Variants in HDAC4 observed in about 807,000 individuals in gnomAD.
HDAC4 encodes histone deacetylase 4, also known as histone deacetylase A.
HDAC4 carries 16 observed loss-of-function variants against 135.1 expected under a neutral mutation model. The ratio of observed to expected loss-of-function variants is 0.12; its 90% CI spans 0.08 to 0.18. HDAC4 has a LOEUF of 0.18. Among genes scored for constraint, HDAC4 ranks in the 10% least tolerant of loss-of-function variants. HDAC4 has a pLI of 1.00. For synonymous variants in HDAC4, 685 were observed against 653.4 expected (o/e 1.05, Z -0.74); for missense variants, 1,143 against 1,511.8 (o/e 0.76, Z 4.05).
chr2:239,274,816 C>T (rs2050258317), intron 2 of HDAC4, among the ~76,000 whole-genome samples: 1 of 152,224 alleles, frequency 6.6e-6, no homozygotes, highest in African/African-American at 2.4e-5. Context: ...TTCCCTAGGC[C>T]TGGCCTGGCC....
intron 2 of HDAC4, among the ~76,000 whole-genome samples, chr2:239,253,472 C>T (rs1310750853): frequency 6.6e-6 from 1 of 152,196 alleles, no homozygotes; most frequent in Non-Finnish European, 1.5e-5. Context: ...AATGTGTACT[C>T]CTTGCTTTGA....
chr2:239,080,932 G>A (rs1352829209), intron 22 of HDAC4, 163 bp downstream of exon 22: 19 of 605,600 alleles, frequency 3.1e-5, no homozygotes, highest in Non-Finnish European at 4.7e-5. Flanking sequence ...AAGATTCCAC[G>A]CTTGGCACTG....
Position 239,285,220 on chromosome 2 carries a change from G to A in HDAC4, c.23-48556C>T, listed in dbSNP as rs753104320. ...GGCAGCTGGATGAGCACAGAGCCAC[G>A]GTGGAGGGGGACAGAGCCACGCTAA... On this transcript the variant is annotated intron_variant, in intron 2 of 26. Transcript: ENST00000543185. The surrounding 1 kb of genome is among the most constrained non-coding windows in gnomAD (Gnocchi z 4.5). 1.4e-4 allele frequency among the ~76,000 whole-genome samples: 21 copies of A among 152,212 alleles called. No individual in the cohort carries two copies. Among genetic ancestry groups the A allele is most frequent in the Non-Finnish European group, 2.9e-4 (20 of 68,032 alleles).
rs551574249 is a variant in HDAC4 at position 239,092,125 on chromosome 2, A to T, written c.2281-2009T>A. Among the ~76,000 whole-genome samples, 339 of 152,184 alleles carry T rather than the reference A, an allele frequency of 2.2e-3. 1 individual carries two copies. The highest frequency in any genetic ancestry group is 4.3e-3 in the Non-Finnish European group (289 of 67,996). ...GTGGTGGCCTGGGCCTGTAGTCCCC[A>T]CAACTCAGGACGCTGAGGCGGGAAG... On this transcript the variant is annotated intron_variant, in intron 17 of 26. Transcript: ENST00000543185.
intron 6 of HDAC4, among the ~76,000 whole-genome samples, chr2:239,160,167 T>C (rs2042700579): frequency 6.6e-6 from 1 of 152,328 alleles, no homozygotes; most frequent in African/African-American, 2.4e-5. Flanking sequence ...CACATTAACA[T>C]GGATAAAAAT....
chr2:239,373,426 C>A (rs1484061931), intron 1 of HDAC4, among the ~76,000 whole-genome samples: 1 of 152,162 alleles, frequency 6.6e-6, no homozygotes, highest in Non-Finnish European at 1.5e-5. Context: ...GTCTTTCTCT[C>A]CAGTTTGGAA....
chr2:239,233,032 C>A (rs1481767961), intron 3 of HDAC4, among the ~76,000 whole-genome samples: 3 of 152,264 alleles, frequency 2.0e-5, no homozygotes, highest in African/African-American at 7.2e-5. Context: ...ACGTCCACAA[C>A]TGTGACATTC....
intron 4 of HDAC4, among the ~76,000 whole-genome samples, chr2:239,182,136 A>G (rs187480185): frequency 1.3e-5 from 2 of 152,324 alleles, no homozygotes; most frequent in Non-Finnish European, 2.9e-5. Flanking sequence ...TCCCTGGGCC[A>G]CACTGTCTGC....
intron 2 of HDAC4, among the ~76,000 whole-genome samples, chr2:239,275,784 G>A (rs1268968416): frequency 6.6e-6 from 1 of 152,070 alleles, no homozygotes; most frequent in Non-Finnish European, 1.5e-5. Flanking sequence ...AGAACGCCAG[G>A]ACCCCTGCCT....
At chr2:239,290,679 C>T (rs574601390) in intron 2 of HDAC4, among the ~76,000 whole-genome samples, 51 of 152,224 alleles carry the variant, frequency 3.4e-4, no homozygotes, top group African/African-American at 1.1e-3. Context: ...GCATTCAGTT[C>T]GCACGCGCAT....
At position 239,400,666 on chromosome 2, in the gene HDAC4, G is replaced by T; in HGVS notation, c.-220+312C>A. On this transcript the variant is annotated intron_variant, in intron 1 of 26. Transcript: ENST00000543185. This position sits in a 1 kb window ranked among gnomAD's most constrained non-coding sequence, Gnocchi z 4.7. ...GGGCGGGCGGCGGACAATGGCCCGC[G>T]GGCGCCGGGCCGGGGCTGCGCTTAC... 6.8e-6 allele frequency: 1 copy of T among 146,474 alleles called. No individual in the cohort carries two copies. Among genetic ancestry groups the T allele is most frequent in the South Asian group, 1.8e-4 (1 of 5,406 alleles). 9.1% of individuals were successfully genotyped at this position (146,474 alleles called of 1,614,324 possible).
intron 3 of HDAC4, among the ~76,000 whole-genome samples, chr2:239,227,233 C>A (rs563471697): frequency 4.6e-5 from 7 of 152,230 alleles, no homozygotes; most frequent in South Asian, 2.1e-4. Context: ...GCTTACCCCA[C>A]GTGGCTGGCA....
At chr2:239,328,506 C>G (rs941100501) in intron 2 of HDAC4, among the ~76,000 whole-genome samples, 2 of 152,222 alleles carry the variant, frequency 1.3e-5, no homozygotes, top group African/African-American at 2.4e-5. Flanking sequence ...GCCTCACACA[C>G]AGGGATCTTT....
intron 2 of HDAC4, among the ~76,000 whole-genome samples, chr2:239,274,976 T>G (rs1456802466): frequency 6.6e-6 from 1 of 152,146 alleles, no homozygotes; most frequent in African/African-American, 2.4e-5. Context: ...TGTCCTGGAG[T>G]GATTTTGTGT....
intron 24 of HDAC4, among the ~76,000 whole-genome samples, chr2:239,065,405 T>C (rs375055490): frequency 7.2e-4 from 109 of 152,292 alleles, no homozygotes; most frequent in African/African-American, 2.6e-3. Flanking sequence ...CTGGGGAGAT[T>C]TTTTTGTAAA....
intron 13 of HDAC4, among the ~76,000 whole-genome samples, chr2:239,112,531 T>G (rs62189559): frequency 0.098 from 14,901 of 152,182 alleles, 1,092 homozygotes; most frequent in Admixed American, 0.24. Flanking sequence ...TCTGATGAGA[T>G]GGAGCTGGGC....
At chr2:239,216,797 TG>T (rs1431700141) in intron 3 of HDAC4, among the ~76,000 whole-genome samples, 1 of 152,038 alleles carries the variant, frequency 6.6e-6, no homozygotes, top group Non-Finnish European at 1.5e-5. Context: ...GATGGGAGTC[TG>T]GTGAGAAGGG....
In HDAC4 at chr2:239,189,914, C is replaced by A. The variant is rs890518815; in HGVS notation, c.258G>T (p.Arg86Ser). ...TCTGGAACTCAGCGATGAGGATCTG[C>A]CTCTGGATCTGCTGCTTCTGCTTGA... is the stretch of plus-strand genomic sequence containing the variant. The part of the protein sequence containing the change: ...LALKQKQQIQ[R>S]QILIAEFQRQ... Residue 86 changes from arginine (R) to serine (S), a missense_variant, in exon 4 of 27, where the codon AGG (arginine) becomes AGT (serine). By Grantham distance (110) the Arg-to-Ser change is moderately radical (BLOSUM62 -1). Transcript: ENST00000543185. The A allele has an allele frequency of 6.2e-7, 1 of 1,611,132 alleles. No homozygotes were observed. Among genetic ancestry groups the A allele is most frequent in the African/African-American group, 1.3e-5 (1 of 74,882 alleles).
chr2:239,300,859 C>G (rs1457742779), intron 2 of HDAC4, among the ~76,000 whole-genome samples: 1 of 152,234 alleles, frequency 6.6e-6, no homozygotes, highest in African/African-American at 2.4e-5. Context: ...GCTCGTTTTC[C>G]TCATTCCGTA....
Sources: allele counts gnomAD v4.1 joint callset (sites outside exome capture counted in the v4.1 genomes callset), GRCh38; gene constraint gnomAD v4.1.1; non-coding constraint Gnocchi (gnomAD v3.1); transcripts MANE v1.5; gene names NCBI Gene and HGNC (gene_info 2026-07-23, HGNC 2026-07-21).